Variants in SYNPR observed in about 807,000 individuals in gnomAD.
SYNPR encodes the protein synaptoporin.
Under a neutral mutation model 32.9 loss-of-function variants are expected in SYNPR, and 23 were observed. The observed-to-expected ratio is 0.70, with a 90% confidence interval of 0.50 to 0.99. The LOEUF is 0.99. Ranked by LOEUF, SYNPR falls within the 50% of genes least tolerant of loss-of-function variation. SYNPR has a pLI of 0.00. For synonymous variants in SYNPR, 146 were observed against 135.9 expected, an observed-to-expected ratio of 1.07 and a Z score of -0.52; for missense variants, 318 against 349.3, an observed-to-expected ratio of 0.91 and a Z score of 0.71.
chr3:63,480,892 G>T lies in SYNPR; in HGVS notation c.145G>T (p.Val49Leu). The T allele has an allele frequency of 6.2e-7, 1 of 1,613,652 alleles. No individual in the cohort carries two copies. Among genetic ancestry groups the T allele is most frequent in the South Asian group, 1.1e-5 (1 of 91,024 alleles). ...GGYSGGLRLS[V>L]DCVNKTESNL... ...CTATTCTGGAGGCCTGCGGCTGAGT[G>T]TGGACTGCGTCAACAAGACAGAAAG... Residue 49 changes from valine to leucine, a missense_variant, in exon 3 of 6, where the codon GTG becomes TTG. Coordinates refer to ENST00000478300, the MANE Select transcript of SYNPR (RefSeq NM_001130003.2).
chr3:63,284,685 A>G (rs2086663390), intron 2 of SYNPR, among the ~76,000 whole-genome samples: 1 of 152,230 alleles, frequency 6.6e-6, no homozygotes, highest in Non-Finnish European at 1.5e-5. Flanking sequence ...AGCAAATATC[A>G]TACTGCTTTC....
chr3:63,398,434 C>A (rs996296135), intron 2 of SYNPR, among the ~76,000 whole-genome samples: 2 of 151,990 alleles, frequency 1.3e-5, no homozygotes, highest in Non-Finnish European at 2.9e-5. Flanking sequence ...TAACAGTGTA[C>A]TTTTGGCCAG....
At chr3:63,556,153 G>C (rs558096006) in intron 3 of SYNPR, among the ~76,000 whole-genome samples, 13 of 152,358 alleles carry the variant, frequency 8.5e-5, no homozygotes, top group Non-Finnish European at 1.9e-4. Context: ...ATGGAGGACA[G>C]AGCAGCAGGG....
intron 2 of SYNPR, among the ~76,000 whole-genome samples, chr3:63,287,185 C>A (rs752000403): frequency 6.6e-6 from 1 of 152,148 alleles, no homozygotes; most frequent in African/African-American, 2.4e-5. Context: ...TCCATCCTCA[C>A]CCTTTTAACT....
At chr3:63,379,212 G>A (rs1325705089) in intron 2 of SYNPR, among the ~76,000 whole-genome samples, 1 of 151,956 alleles carries the variant, frequency 6.6e-6, no homozygotes, top group Non-Finnish European at 1.5e-5. Context: ...TTATGGCCTT[G>A]GATATGGCCT....
intron 1 of SYNPR, among the ~76,000 whole-genome samples, chr3:63,248,972 A>G (rs993421820): frequency 1.3e-5 from 2 of 151,906 alleles, no homozygotes; most frequent in African/African-American, 4.8e-5. Flanking sequence ...TTTTTTACCT[A>G]TCCCTATATA....
intron 2 of SYNPR, among the ~76,000 whole-genome samples, chr3:63,437,869 A>T (rs1217336605): frequency 6.6e-6 from 1 of 152,090 alleles, no homozygotes; most frequent in East Asian, 1.9e-4. Flanking sequence ...AGCACCTCCC[A>T]TTAGGATGCC....
At chr3:63,559,309 C>G (rs1381874904) in intron 4 of SYNPR, among the ~76,000 whole-genome samples, 1 of 152,076 alleles carries the variant, frequency 6.6e-6, no homozygotes, top group Admixed American at 6.6e-5. Flanking sequence ...AGCTCCTGGA[C>G]TCAAGCAATC....
rs758253425 is a variant in SYNPR at position 63,371,310 on chromosome 3, G to A, written c.84+92568G>A. 7.9e-5 allele frequency among the ~76,000 whole-genome samples: 12 copies of A among 152,108 alleles called. 1 individual carries two copies. Among genetic ancestry groups the A allele is most frequent in the African/African-American group, 1.9e-4 (8 of 41,534 alleles). ...AAGAGAAGTCACTCATGCACACATG[G>A]AGTCCTAGGAGCCTTGGATCCCCAG... On this transcript the variant is annotated intron_variant, in intron 2 of 5. Transcript: ENST00000478300.
intron 1 of SYNPR, among the ~76,000 whole-genome samples, chr3:63,249,720 A>T (rs1485558984): frequency 2.0e-5 from 3 of 152,148 alleles, no homozygotes; most frequent in Admixed American, 2.0e-4. Flanking sequence ...CAAAAATGGA[A>T]ACAACATAAG....
At chr3:63,249,397 T>C (rs1055321904) in intron 1 of SYNPR, among the ~76,000 whole-genome samples, 4 of 152,152 alleles carry the variant, frequency 2.6e-5, no homozygotes, top group African/African-American at 7.2e-5. Flanking sequence ...TAAAAACACT[T>C]ACCCTTTGTC....
intron 2 of SYNPR, among the ~76,000 whole-genome samples, chr3:63,423,957 C>G (rs1318230196): frequency 6.6e-6 from 1 of 152,156 alleles, no homozygotes; most frequent in Non-Finnish European, 1.5e-5. Context: ...TTTGCCAGTT[C>G]TCTTCAAAAT....
intron 2 of SYNPR, among the ~76,000 whole-genome samples, chr3:63,432,002 T>C: frequency 6.6e-6 from 1 of 152,058 alleles, no homozygotes; most frequent in Non-Finnish European, 1.5e-5. Flanking sequence ...CTTCAGGCTG[T>C]GAAGAGGGAT....
At chr3:63,500,339 G>T (rs1701455967) in intron 3 of SYNPR, among the ~76,000 whole-genome samples, 1 of 152,038 alleles carries the variant, frequency 6.6e-6, no homozygotes, top group Non-Finnish European at 1.5e-5. Context: ...CTGTCCTAGA[G>T]AAAAAAGAGC....
intron 3 of SYNPR, among the ~76,000 whole-genome samples, chr3:63,535,413 G>A (rs568976066): frequency 1.2e-4 from 18 of 152,060 alleles, no homozygotes; most frequent in East Asian, 1.9e-4. Context: ...ATGATTTTCC[G>A]TTGTTTTAGT....
chr3:63,245,301 CAATT>C (rs1458600179), intron 1 of SYNPR, among the ~76,000 whole-genome samples: 1 of 151,382 alleles, frequency 6.6e-6, no homozygotes, highest in African/African-American at 2.4e-5. Context: ...AAAGAATATG[CAATT>C]AATCAAATGA....
At chr3:63,486,882 T>C (rs773001126) in intron 3 of SYNPR, among the ~76,000 whole-genome samples, 25 of 152,140 alleles carry the variant, frequency 1.6e-4, no homozygotes, top group Non-Finnish European at 1.5e-4. Context: ...GCAGTCATAG[T>C]AGGGTGTCCT....
In SYNPR at chr3:63,400,771, C is replaced by T. The variant is rs571330074; in HGVS notation, c.85-80061C>T. Among the ~76,000 whole-genome samples the T allele has an allele frequency of 3.3e-5, 5 of 152,296 alleles. No individual in the cohort carries two copies. In the South Asian group the frequency reaches 8.3e-4, roughly 25 times the overall value. On this transcript the variant is annotated intron_variant, in intron 2 of 5. Coordinates refer to ENST00000478300, the MANE Select transcript of SYNPR (RefSeq NM_001130003.2). ...ATGTCAAACCCACCACAGGCAAGTA[C>T]TAGGTTAACTCATCAAATTGAACAA... is the stretch of plus-strand genomic sequence containing the variant.
At chr3:63,237,580 C>A (rs897703070) in intron 1 of SYNPR, among the ~76,000 whole-genome samples, 3 of 151,752 alleles carry the variant, frequency 2.0e-5, no homozygotes, top group Non-Finnish European at 4.4e-5. Flanking sequence ...CTTCAAGTTG[C>A]GATGTTCTTG....
Sources: allele counts gnomAD v4.1 joint callset (sites outside exome capture counted in the v4.1 genomes callset), GRCh38; gene constraint gnomAD v4.1.1; transcripts MANE v1.5; gene names NCBI Gene and HGNC (gene_info 2026-07-23, HGNC 2026-07-21).